The following NTRK3 variants were observed in gnomAD, a reference collection of about 807,000 sequenced individuals.
The protein encoded by NTRK3 is NT-3 growth factor receptor.
A neutral mutation model predicts 91.7 loss-of-function variants in NTRK3; 24 were observed. The observed-to-expected ratio is 0.26, with a 90% CI of 0.19 to 0.37. NTRK3 has a LOEUF of 0.37. Among genes scored for constraint, NTRK3 ranks in the 10% least tolerant of loss-of-function variants. NTRK3 has a pLI of 1.00. For missense variants in NTRK3, 880 were observed against 1,068.9 expected (o/e 0.82, Z 2.46); for synonymous variants, 483 against 404.0 (o/e 1.20, Z -2.34).
At chr15:87,943,139 C>T (rs2070071997) in intron 14 of NTRK3, among the ~76,000 whole-genome samples, 1 of 152,120 alleles carries the variant, frequency 6.6e-6, no homozygotes, top group Non-Finnish European at 1.5e-5. Context: ...CAGGTTGAGG[C>T]CTGAAAATAT....
chr15:87,953,040 G>A (rs1262144143), intron 14 of NTRK3, among the ~76,000 whole-genome samples: 1 of 152,136 alleles, frequency 6.6e-6, no homozygotes, highest in African/African-American at 2.4e-5. Context: ...TCCCCCTGTC[G>A]AAGCCCACTC....
At chr15:88,020,002 G>C (rs1303208690) in intron 14 of NTRK3, among the ~76,000 whole-genome samples, 1 of 152,108 alleles carries the variant, frequency 6.6e-6, no homozygotes, top group Non-Finnish European at 1.5e-5. Flanking sequence ...AAAACAAAAG[G>C]GCTGTGCACT....
At chr15:88,116,492 G>A (rs2151021015) in intron 13 of NTRK3, among the ~76,000 whole-genome samples, 1 of 152,130 alleles carries the variant, frequency 6.6e-6, no homozygotes, top group Non-Finnish European at 1.5e-5. Context: ...CAAAATCCCA[G>A]CCTATAGACC....
intron 5 of NTRK3, among the ~76,000 whole-genome samples, chr15:88,174,872 T>C (rs2045855742): frequency 6.6e-6 from 1 of 152,226 alleles, no homozygotes; most frequent in Non-Finnish European, 1.5e-5. Context: ...ATGTCAGCCG[T>C]TTCTGCAATC....
intron 3 of NTRK3, among the ~76,000 whole-genome samples, chr15:88,239,819 T>C (rs2052150564): frequency 6.6e-6 from 1 of 152,060 alleles, no homozygotes; most frequent in Non-Finnish European, 1.5e-5. Context: ...CTGATCTCAC[T>C]CCAGGGAGTA....
chr15:87,888,214 C>T (rs2065657330), intron 17 of NTRK3, among the ~76,000 whole-genome samples: 1 of 152,018 alleles, frequency 6.6e-6, no homozygotes, highest in African/African-American at 2.4e-5. Context: ...GGGGAATGAG[C>T]ACTAATTAAA....
At chr15:88,213,904 AC>A (rs56728099) in intron 3 of NTRK3, among the ~76,000 whole-genome samples, 5,870 of 152,050 alleles carry the variant, frequency 0.039, 408 homozygotes, top group African/African-American at 0.13. Flanking sequence ...ACATTGTGAA[AC>A]CCCGTCTCTA....
chr15:88,236,046 T>A (rs1400629785), intron 3 of NTRK3, among the ~76,000 whole-genome samples: 1 of 152,228 alleles, frequency 6.6e-6, no homozygotes, highest in Non-Finnish European at 1.5e-5. Context: ...CAGTATCTTA[T>A]AAAGTTAAAC....
At chr15:88,249,469 A>G (rs544042661) in intron 3 of NTRK3, among the ~76,000 whole-genome samples, 1 of 152,230 alleles carries the variant, frequency 6.6e-6, no homozygotes, top group Non-Finnish European at 1.5e-5. Flanking sequence ...CGGCCCCAGC[A>G]CCTGGGAGTG....
chr15:88,041,545 A>G (rs1347236613), intron 13 of NTRK3, among the ~76,000 whole-genome samples: 1 of 152,184 alleles, frequency 6.6e-6, no homozygotes, highest in Non-Finnish European at 1.5e-5. Flanking sequence ...GTGACTTGTC[A>G]CATTCCCTTT....
intron 3 of NTRK3, among the ~76,000 whole-genome samples, chr15:88,213,018 C>T (rs538622437): frequency 6.6e-6 from 1 of 152,350 alleles, no homozygotes; most frequent in South Asian, 2.1e-4. Context: ...GCCAACAGCC[C>T]ATGCAGAATG....
At chr15:88,049,029 C>T (rs1296642853) in intron 13 of NTRK3, among the ~76,000 whole-genome samples, 1 of 152,174 alleles carries the variant, frequency 6.6e-6, no homozygotes, top group African/African-American at 2.4e-5. Context: ...AATGAGGAAT[C>T]AGAGAAGGAT....
chr15:88,161,890 A>AT (rs1402477556), intron 5 of NTRK3, among the ~76,000 whole-genome samples: 19 of 152,024 alleles, frequency 1.2e-4, no homozygotes, highest in Admixed American at 2.6e-4. Flanking sequence ...GCTGGCAGGG[A>AT]TTTTTTACCA....
At chr15:87,976,821 G>C (rs1312436593) in intron 14 of NTRK3, among the ~76,000 whole-genome samples, 2 of 152,140 alleles carry the variant, frequency 1.3e-5, no homozygotes, top group African/African-American at 2.4e-5. Flanking sequence ...CTTTCCTTGG[G>C]CAAGGTCACT....
At chr15:88,050,178 G>T (rs1319496395) in intron 13 of NTRK3, among the ~76,000 whole-genome samples, 1 of 151,982 alleles carries the variant, frequency 6.6e-6, no homozygotes, top group Non-Finnish European at 1.5e-5. Flanking sequence ...ATAATATCAG[G>T]GTTTTCTTCA....
In NTRK3 at chr15:88,243,355, C is replaced by T. The variant is rs2052539956; in HGVS notation, c.248+12551G>A. On this transcript the variant is annotated intron_variant, in intron 3 of 18. Transcript: ENST00000394480. This position sits in a 1 kb window ranked among gnomAD's most constrained non-coding sequence, Gnocchi z 4.8. ...TGAGCCTGGCCCGTCTGCCAACGCTCCCTCCTGGATCTCAGGTGGAGAAAT... is the reference window on the plus strand; with the variant it reads ...TGAGCCTGGCCCGTCTGCCAACGCTTCCTCCTGGATCTCAGGTGGAGAAAT... Among the ~76,000 whole-genome samples the T allele has an allele frequency of 6.6e-6, 1 of 152,122 alleles. No individual in the cohort carries two copies. The highest frequency in any genetic ancestry group is 2.4e-5 in the African/African-American group (1 of 41,406).
At chr15:88,001,878 C>T (rs953986458) in intron 14 of NTRK3, among the ~76,000 whole-genome samples, 44 of 152,036 alleles carry the variant, frequency 2.9e-4, no homozygotes, top group African/African-American at 1.0e-3. Flanking sequence ...AAAAAAGAGG[C>T]CTGAATTTTG....
chr15:87,916,337 G>C (rs79804987), intron 17 of NTRK3: 7,576 of 405,122 alleles, frequency 0.019, 97 homozygotes, highest in Non-Finnish European at 0.024. Context: ...TTTTGCACTT[G>C]AGGAAGGAAA....
intron 3 of NTRK3, among the ~76,000 whole-genome samples, chr15:88,224,369 G>A (rs150690939): frequency 1.4e-3 from 211 of 152,334 alleles, no homozygotes; most frequent in Non-Finnish European, 2.5e-3. Flanking sequence ...AGCATGAGAA[G>A]AACATGCCCA....
Sources: gnomAD v4.1 joint callset for allele counts (sites outside exome capture counted in the v4.1 genomes callset) on GRCh38, gnomAD v4.1.1 for gene constraint, Gnocchi (gnomAD v3.1) non-coding constraint, MANE v1.5 for transcripts, NCBI Gene and HGNC (gene_info 2026-07-23, HGNC 2026-07-21) for gene names.